RGS8: variants seen among roughly 807,000 people sequenced by gnomAD.
RGS8 encodes the protein regulator of G protein signaling 8.
Under a neutral mutation model 21.7 loss-of-function variants are expected in RGS8, and 8 were observed. That is an observed-to-expected ratio of 0.37 (90% CI 0.22 to 0.66). The LOEUF is 0.66. Among genes scored for constraint, RGS8 ranks in the 30% least tolerant of loss-of-function variants. The probability of loss-of-function intolerance (pLI) is 0.59; values close to 1 mark genes in which losing one functional copy is unlikely to be tolerated. For synonymous variants in RGS8, 80 were observed against 83.6 expected, an observed-to-expected ratio of 0.96 and a Z score of 0.24; for missense variants, 157 against 217.9, an observed-to-expected ratio of 0.72 and a Z score of 1.76.
chr1:182,696,869 G>T, the RGS8 span, among the ~76,000 whole-genome samples: 1 of 152,228 alleles, frequency 6.6e-6, no homozygotes, highest in African/African-American at 2.4e-5. Flanking sequence ...GGAGTTGGTG[G>T]ATCAGCTGAG....
At chr1:182,669,555 A>G in intron 3 of RGS8, 69 bp downstream of exon 4, 1 of 1,610,628 alleles carries the variant, frequency 6.2e-7, no homozygotes, top group South Asian at 1.1e-5. Context: ...CTCAAATAAC[A>G]GAGGGTGTGA....
chr1:182,670,916 G>T (rs553646159), intron 2 of RGS8, among the ~76,000 whole-genome samples: 1 of 152,082 alleles, frequency 6.6e-6, no homozygotes, highest in Non-Finnish European at 1.5e-5. Flanking sequence ...CAGCTGTGCC[G>T]GTCCCTAGAA....
At chr1:182,675,822 C>T (rs772517744), upstream of RGS8, among the ~76,000 whole-genome samples, 6 of 152,136 alleles carry the variant, frequency 3.9e-5, no homozygotes, top group Non-Finnish European at 7.3e-5. Flanking sequence ...ATAGTTTATT[C>T]TTAAGATTTA....
At chr1:182,646,516 G>A (rs941658245) in exon 7 of RGS8, 7 of 524,260 alleles carry the variant, frequency 1.3e-5, no homozygotes, top group Non-Finnish European at 2.3e-5. Context: ...GCGGCAAGGC[G>A]CTACCACTAA....
At chr1:182,681,996 C>T (rs368601970) in intron 1 of RGS8, among the ~76,000 whole-genome samples, 2 of 152,102 alleles carry the variant, frequency 1.3e-5, no homozygotes, top group Admixed American at 6.5e-5. Flanking sequence ...ATTTCTTGGA[C>T]GTGAAAAATA....
downstream of RGS8, chr1:182,642,546 C>T (rs1557876054): frequency 1.3e-5 from 2 of 152,522 alleles, no homozygotes; most frequent in Non-Finnish European, 2.9e-5. Context: ...CCCACCTGCT[C>T]CTTCTTCTTC....
intron 5 of RGS8, among the ~76,000 whole-genome samples, chr1:182,663,174 G>A (rs1013425811): frequency 1.3e-5 from 2 of 152,112 alleles, no homozygotes; most frequent in Non-Finnish European, 1.5e-5. Context: ...CCTAAGAGAC[G>A]AGCACACGTG....
In RGS8 at chr1:182,648,312, G is replaced by A. The variant is rs182546137; in HGVS notation, c.194-9C>T. 3.1e-6 allele frequency: 5 copies of A among 1,611,394 alleles called. No individual in the cohort carries two copies. The highest frequency in any genetic ancestry group is 1.7e-4 in the Middle Eastern group (1 of 6,040). On this transcript the variant is annotated splice_polypyrimidine_tract_variant and intron_variant, in intron 5 of 6. Transcript: ENST00000483095. Reference sequence around the variant, plus strand: ...GAATGCAGCCACCCCATCTGCGGATGTGGGAGGAAGAAAAGAAGAGAGATA... The same window carrying A: ...GAATGCAGCCACCCCATCTGCGGATATGGGAGGAAGAAAAGAAGAGAGATA...
intron 1 of RGS8, among the ~76,000 whole-genome samples, chr1:182,681,370 T>A (rs1382093647): frequency 6.6e-6 from 1 of 152,134 alleles, no homozygotes; most frequent in Non-Finnish European, 1.5e-5. Context: ...GCCATCAGAG[T>A]CTACAGCTGT....
the RGS8 span, among the ~76,000 whole-genome samples, chr1:182,746,958 C>A: frequency 2.7e-5 from 4 of 146,484 alleles, no homozygotes; most frequent in Admixed American, 2.8e-4. Context: ...GGCTGGAGTG[C>A]AATGGCATGA....
Position 182,666,867 on chromosome 1 carries a change from C to T in RGS8, c.128+5G>A. On this transcript the variant is annotated splice_donor_5th_base_variant and intron_variant, in intron 4 of 6. Transcript: ENST00000483095. The stretch of plus-strand genomic sequence containing the variant: ...CAGGGAATGGCACGTGGCCGTACTA[C>T]TCACTTGAGAGCGCGGTTGGGTTTG... 1.2e-6 allele frequency: 2 copies of T among 1,611,262 alleles called. No individual in the cohort carries two copies. Among genetic ancestry groups the T allele is most frequent in the Non-Finnish European group, 1.7e-6 (2 of 1,177,358 alleles).
chr1:182,728,944 A>C, the RGS8 span, among the ~76,000 whole-genome samples: 1 of 152,224 alleles, frequency 6.6e-6, no homozygotes. Context: ...CATGACACAC[A>C]TTTACCTGTG....
At chr1:182,707,339 T>A in the RGS8 span, among the ~76,000 whole-genome samples, 2 of 152,288 alleles carry the variant, frequency 1.3e-5, no homozygotes, top group Admixed American at 6.5e-5. Context: ...TTCTGCCCAC[T>A]AAGAACACTG....
intron 1 of RGS8, among the ~76,000 whole-genome samples, chr1:182,680,216 T>C (rs1664495730): frequency 1.3e-5 from 2 of 152,038 alleles, no homozygotes; most frequent in Non-Finnish European, 2.9e-5. Context: ...CCTCCTACTC[T>C]AGGGATAAAG....
intron 5 of RGS8, among the ~76,000 whole-genome samples, chr1:182,655,227 C>T (rs1210678843): frequency 6.6e-6 from 1 of 152,224 alleles, no homozygotes; most frequent in African/African-American, 2.4e-5. Flanking sequence ...TAGCCTCTAG[C>T]TCTGTGTGAC....
the RGS8 span, among the ~76,000 whole-genome samples, chr1:182,720,936 CAT>C: frequency 0.21 from 21,289 of 101,144 alleles, 2,767 homozygotes; most frequent in South Asian, 0.28. Context: ...TACATATATA[CAT>C]ATATATACAT....
At chr1:182,658,427 A>G (rs1379180564) in intron 5 of RGS8, 2 of 152,358 alleles carry the variant, frequency 1.3e-5, no homozygotes, top group African/African-American at 4.8e-5. Context: ...TAAGTTCTCT[A>G]TTTATGAAAA....
chr1:182,654,535 T>C (rs1427303047), intron 5 of RGS8, among the ~76,000 whole-genome samples: 2 of 152,206 alleles, frequency 1.3e-5, no homozygotes, highest in East Asian at 1.9e-4. Flanking sequence ...CACAAACACA[T>C]GAGATAAAGT....
At chr1:182,657,133 A>G (rs1663322739) in intron 5 of RGS8, among the ~76,000 whole-genome samples, 1 of 151,334 alleles carries the variant, frequency 6.6e-6, no homozygotes, top group Non-Finnish European at 1.5e-5. Flanking sequence ...GACCAAGCAA[A>G]CAAATCCAAA....
Sources: gnomAD v4.1 joint callset for allele counts (sites outside exome capture counted in the v4.1 genomes callset) on GRCh38, gnomAD v4.1.1 for gene constraint, MANE v1.5 for transcripts, NCBI Gene and HGNC (gene_info 2026-07-23, HGNC 2026-07-21) for gene names.